The following DCTD variants were observed in gnomAD, a reference collection of about 807,000 sequenced individuals.
DCTD encodes dCMP deaminase.
DCTD carries 23 observed loss-of-function variants against 21.0 expected under a neutral mutation model. That is an observed-to-expected ratio of 1.09 (90% CI 0.79 to 1.55). The LOEUF is 1.55. DCTD is among the 40% of genes most tolerant of loss of function. The probability of loss-of-function intolerance (pLI) is 0.00; values close to 1 mark genes in which losing one functional copy is unlikely to be tolerated. For missense variants in DCTD, 224 were observed against 230.0 expected (o/e 0.97, Z 0.17); for synonymous variants, 71 against 81.1 (o/e 0.88, Z 0.67).
intron 5 of DCTD, among the ~76,000 whole-genome samples, chr4:182,892,495 T>A (rs1016423077): frequency 1.3e-5 from 2 of 151,806 alleles, no homozygotes; most frequent in Admixed American, 6.6e-5. Context: ...CTACTGAAAG[T>A]ACAAAAAAAT....
chr4:182,914,575 C>T (rs983366253), intron 3 of DCTD, among the ~76,000 whole-genome samples: 2 of 152,248 alleles, frequency 1.3e-5, no homozygotes, highest in Admixed American at 6.5e-5. Flanking sequence ...ACACCATGCA[C>T]ATCCCTCAGC....
intron 3 of DCTD, among the ~76,000 whole-genome samples, chr4:182,907,145 T>C (rs1051209876): frequency 1.2e-4 from 19 of 152,334 alleles, no homozygotes; most frequent in Middle Eastern, 3.4e-3. Flanking sequence ...TTTTTCTTAA[T>C]TTTTTTGAGA....
rs897029652 is a variant in DCTD, at chr4:182,905,209, A to T, written c.244+9714T>A. On this transcript the variant is annotated intron_variant, in intron 3 of 5. Coordinates refer to ENST00000438320, the MANE Select transcript of DCTD (RefSeq NM_001921.3). Reference sequence around the variant, plus strand: ...AACCCTATTGCTCCGCTGAAACTGTACTTGGCTGAAACTGTACTTGGCAAT... The same window carrying T: ...AACCCTATTGCTCCGCTGAAACTGTTCTTGGCTGAAACTGTACTTGGCAAT... 7.9e-5 allele frequency among the ~76,000 whole-genome samples: 12 copies of T among 151,946 alleles called. 1 individual carries two copies. Among genetic ancestry groups the T allele is most frequent in the East Asian group, 7.8e-4 (4 of 5,144 alleles).
intron 3 of DCTD, among the ~76,000 whole-genome samples, chr4:182,901,453 A>G (rs1735724558): frequency 6.6e-6 from 1 of 152,226 alleles, no homozygotes; most frequent in South Asian, 2.1e-4. Flanking sequence ...TTGTTCTGCC[A>G]AAGCTGACCT....
intron 3 of DCTD, among the ~76,000 whole-genome samples, chr4:182,896,075 C>T (rs1334314258): frequency 1.3e-5 from 2 of 152,236 alleles, no homozygotes; most frequent in Non-Finnish European, 2.9e-5. Context: ...CCTACCCTCT[C>T]CAGCCTGCCA....
rs575152928 is a variant in DCTD, at chr4:182,890,697, A to G, written c.*702T>C. The G allele has an allele frequency of 1.3e-5, 2 of 152,324 alleles. No individual in the cohort carries two copies. The highest frequency in any genetic ancestry group is 3.9e-4 in the East Asian group (2 of 5,156). 9.4% of individuals were successfully genotyped at this position (152,324 alleles called of 1,614,324 possible). On this transcript the variant is annotated 3_prime_UTR_variant, in exon 6 of 6. Coordinates refer to ENST00000438320, the MANE Select transcript of DCTD (RefSeq NM_001921.3). ...TGGAAGAGCTCCATGTGACCAACAA[A>G]CCCAAATTGAGCCAAAACAACAGGC... is the stretch of plus-strand genomic sequence containing the variant.
At chr4:182,900,387 A>G (rs940472649) in intron 3 of DCTD, among the ~76,000 whole-genome samples, 7 of 152,198 alleles carry the variant, frequency 4.6e-5, no homozygotes, top group African/African-American at 1.7e-4. Flanking sequence ...AACATTCCAC[A>G]GATATTTGAC....
chr4:182,901,092 T>C (rs1735660925), intron 3 of DCTD, among the ~76,000 whole-genome samples: 1 of 152,210 alleles, frequency 6.6e-6, no homozygotes, highest in African/African-American at 2.4e-5. Flanking sequence ...TAGATGTGAC[T>C]TTCACCTCAT....
At chr4:182,916,973 T>C in intron 1 of DCTD, 1 of 991,710 alleles carries the variant, frequency 1.0e-6, no homozygotes, top group African/African-American at 1.7e-5. Context: ...ATCCAGGGCC[T>C]ACACCCGGCA....
intron 3 of DCTD, among the ~76,000 whole-genome samples, chr4:182,908,902 G>A (rs912853268): frequency 2.0e-5 from 3 of 151,916 alleles, no homozygotes; most frequent in African/African-American, 7.3e-5. Context: ...CCCACTTCTG[G>A]GAACCCTGGA....
chr4:182,899,496 C>T (rs141784246), intron 3 of DCTD, among the ~76,000 whole-genome samples: 150 of 151,012 alleles, frequency 9.9e-4, no homozygotes, highest in Non-Finnish European at 1.8e-3. Flanking sequence ...CTACCAGTTT[C>T]AAGCGATGAT....
chr4:182,911,686 A>C (rs1163155229), intron 3 of DCTD, among the ~76,000 whole-genome samples: 1 of 152,236 alleles, frequency 6.6e-6, no homozygotes, highest in Non-Finnish European at 1.5e-5. Flanking sequence ...CTGTGGGCAT[A>C]GAACCCTGAG....
chr4:182,916,005 T>C, intron 1 of DCTD: 1 of 418,246 alleles, frequency 2.4e-6, no homozygotes, highest in African/African-American at 2.2e-5. Context: ...GCCTTACTCC[T>C]AGCTAAGGTA....
rs1008824700 is a variant in DCTD at position 182,915,407 on chromosome 4, C to T, written c.108+54G>A. On this transcript the variant is annotated intron_variant, in intron 2 of 5. Transcript: ENST00000438320. ...TGAGTCTCCCCTTTCTGCTCATGTG[C>T]AGTAATCTCTTTGCCTGTGAGTATC... 4.3e-6 allele frequency: 5 copies of T among 1,172,618 alleles called. No individual in the cohort carries two copies. The African/African-American group carries it at 7.5e-5, about 18-fold the overall frequency. The allele number at this position is 1,172,618 out of a possible 1,614,324, so 72.6% of individuals were successfully genotyped here. A position where few individuals can be genotyped will look rare whatever the true frequency, so the allele number is the denominator to read the frequency against.
At chr4:182,903,549 A>G (rs1347614286) in intron 3 of DCTD, among the ~76,000 whole-genome samples, 1 of 152,172 alleles carries the variant, frequency 6.6e-6, no homozygotes, top group African/African-American at 2.4e-5. Flanking sequence ...CTGTGCCCAG[A>G]GAGGAGGGCT....
chr4:182,907,728 G>A (rs1048104919), intron 3 of DCTD, among the ~76,000 whole-genome samples: 6 of 152,022 alleles, frequency 3.9e-5, no homozygotes, highest in African/African-American at 1.4e-4. Context: ...TCAGAACTCC[G>A]TAAGCTGAGA....
At chr4:182,903,268 C>T (rs1461730835) in intron 3 of DCTD, among the ~76,000 whole-genome samples, 2 of 152,174 alleles carry the variant, frequency 1.3e-5, no homozygotes, top group African/African-American at 4.8e-5. Context: ...CAAGTGACAG[C>T]GCTTCTGCCT....
intron 5 of DCTD, among the ~76,000 whole-genome samples, chr4:182,892,189 A>T (rs1051470508): frequency 1.3e-5 from 2 of 152,188 alleles, no homozygotes; most frequent in African/African-American, 4.8e-5. Flanking sequence ...GTCACCTATG[A>T]CCATGGTCCC....
At position 182,915,540 on chromosome 4, in the gene DCTD, TC is replaced by T; in HGVS notation, c.28del (p.Asp10ThrfsTer33). ...ATACTCTGGCCATTCCAAATAGTCG[TC>T]CCGTTTCTTGCAGGAAACTTCACTC... MSEVSCKKR[D>X]DYLEWPEYFM... On this transcript the variant is annotated frameshift_variant, in exon 2 of 6. Transcript: ENST00000438320. LOFTEE classifies it high-confidence loss of function. 1 of 1,613,606 alleles carries T rather than the reference TC, an allele frequency of 6.2e-7. No individual in the cohort carries two copies. Among genetic ancestry groups the T allele is most frequent in the Non-Finnish European group, 8.5e-7 (1 of 1,179,484 alleles).
Sources: allele counts gnomAD v4.1 joint callset (sites outside exome capture counted in the v4.1 genomes callset), GRCh38; gene constraint gnomAD v4.1.1; transcripts MANE v1.5; gene names NCBI Gene and HGNC (gene_info 2026-07-23, HGNC 2026-07-21).